SORT1: variants seen among roughly 807,000 people sequenced by gnomAD.
The protein encoded by SORT1 is sortilin.
Under a neutral mutation model 101.7 loss-of-function variants are expected in SORT1, and 39 were observed. The observed-to-expected ratio is 0.38, with a 90% CI of 0.30 to 0.50. SORT1 has a LOEUF of 0.50. Ranked by LOEUF, SORT1 falls within the 20% of genes least tolerant of loss-of-function variation. SORT1 has a pLI of 0.90. For missense variants in SORT1, 878 were observed against 1,040.4 expected, an observed-to-expected ratio of 0.84 and a Z score of 2.15; for synonymous variants, 396 against 393.7, an observed-to-expected ratio of 1.01 and a Z score of -0.07.
At chr1:109,386,785 C>G (rs1652595847) in intron 1 of SORT1, among the ~76,000 whole-genome samples, 1 of 151,868 alleles carries the variant, frequency 6.6e-6, no homozygotes, top group Non-Finnish European at 1.5e-5. Flanking sequence ...AAGCAAAGTT[C>G]CTAAGAAGTA....
At position 109,317,987 on chromosome 1, in the gene SORT1, T is replaced by C. The variant is rs191308023; in HGVS notation, c.2025-18A>G. The C allele has an allele frequency of 6.8e-5, 103 of 1,507,608 alleles. No homozygotes were observed. The Admixed American group carries it at 7.0e-4, about 10-fold the overall frequency. The allele number at this position is 1,507,608 out of a possible 1,614,324, so 93.4% of individuals were successfully genotyped here. On this transcript the variant is annotated intron_variant, in intron 15 of 19. Coordinates refer to ENST00000256637, the MANE Select transcript of SORT1 (RefSeq NM_002959.7). ...CAAAATCACTGCAAGAGTCAGCAAATAAAGTACCTTTCAAAGCAGCTGGAA... is the reference window on the plus strand; with the variant it reads ...CAAAATCACTGCAAGAGTCAGCAAACAAAGTACCTTTCAAAGCAGCTGGAA...
Position 109,353,342 on chromosome 1 carries a change from A to C in SORT1, c.708+1025T>G, listed in dbSNP as rs1474324507. The stretch of plus-strand genomic sequence containing the variant: ...AAACTCTGTCTCAAAAAAAAAAAAA[A>C]AAAAAAAAACAAAAGCAAAAAAAAC... On this transcript the variant is annotated intron_variant, in intron 5 of 19. Transcript: ENST00000256637. Among the ~76,000 whole-genome samples the C allele has an allele frequency of 7.3e-4, 111 of 151,048 alleles. 1 individual carries two copies. Among genetic ancestry groups the C allele is most frequent in the Admixed American group, 2.0e-3 (30 of 15,168 alleles).
intron 18 of SORT1, 55 bp downstream of exon 18, chr1:109,314,617 A>C: frequency 7.8e-7 from 1 of 1,283,738 alleles, no homozygotes; most frequent in Non-Finnish European, 1.1e-6. Flanking sequence ...CATATGCCCT[A>C]GATCAGCCTT....
Position 109,340,812 on chromosome 1 carries a change from T to A in SORT1, c.1176A>T (p.Arg392=). The A allele has an allele frequency of 6.2e-7, 1 of 1,613,978 alleles. No individual in the cohort carries two copies. The highest frequency in any genetic ancestry group is 8.5e-7 in the Non-Finnish European group (1 of 1,179,910). Reference sequence around the variant, plus strand: ...CTCCGCCTGTGGTAGTGTAGAGATGTCGGTCCAAAGACTTGGAATAGACAA... The same window carrying A: ...CTCCGCCTGTGGTAGTGTAGAGATGACGGTCCAAAGACTTGGAATAGACAA... ...RGIVYSKSLD[R]HLYTTTGGET... is the part of the protein sequence containing the mutation. The change falls in exon 10 of 20, where the codon CGA becomes CGT. Residue 392 remains arginine, a synonymous_variant. Transcript: ENST00000256637.
chr1:109,327,238 G>T, intron 12 of SORT1, 78 bp from the exon 13 acceptor site: 1 of 1,213,072 alleles, frequency 8.2e-7, no homozygotes, highest in Non-Finnish European at 1.2e-6. Context: ...GAATAATGTT[G>T]AATGAATTTA....
At chr1:109,359,105 A>G (rs1650539662) in intron 3 of SORT1, among the ~76,000 whole-genome samples, 1 of 152,174 alleles carries the variant, frequency 6.6e-6, no homozygotes, top group African/African-American at 2.4e-5. Flanking sequence ...TTCATTTCTC[A>G]CTGTTCTGGA....
chr1:109,367,347 G>A, intron 3 of SORT1, 61 bp downstream of exon 3: 1 of 959,072 alleles, frequency 1.0e-6, no homozygotes, highest in Admixed American at 2.1e-5. Context: ...TCTAGAAAAG[G>A]GAGAATCTAT....
intron 18 of SORT1, 91 bp downstream of exon 18, chr1:109,314,581 T>A: frequency 9.1e-7 from 1 of 1,102,462 alleles, no homozygotes; most frequent in Non-Finnish European, 1.3e-6. Flanking sequence ...TGCAAGTACC[T>A]AGTTTTTGCC....
intron 1 of SORT1, among the ~76,000 whole-genome samples, chr1:109,378,763 A>G (rs1480110437): frequency 8.7e-5 from 7 of 80,852 alleles, no homozygotes; most frequent in Non-Finnish European, 2.3e-5. Flanking sequence ...TATATATATA[A>G]AGATGTTATG....
intron 16 of SORT1, 54 bp downstream of exon 16, chr1:109,317,799 A>C (rs1194415558): frequency 8.5e-7 from 1 of 1,170,048 alleles, no homozygotes; most frequent in African/African-American, 1.5e-5. Context: ...AGCAGCTTTC[A>C]CTCTGAACAA....
chr1:109,397,576 C>T lies in SORT1; in HGVS notation c.306+11G>A, dbSNP rs778497129. 3.3e-6 allele frequency: 4 copies of T among 1,194,176 alleles called. No homozygotes were observed. Among genetic ancestry groups the T allele is most frequent in the South Asian group, 2.2e-5 (1 of 45,452 alleles). The allele number at this position is 1,194,176 out of a possible 1,614,324, so 74.0% of individuals were successfully genotyped here. On this transcript the variant is annotated intron_variant, in intron 1 of 19. Coordinates refer to ENST00000256637, the MANE Select transcript of SORT1 (RefSeq NM_002959.7). ...GCACCCGAGCGGCTCCCGGGCCCGG[C>T]GCCCGCTCACCTGGTGCGTGTTGTT... is the stretch of plus-strand genomic sequence containing the variant.
chr1:109,350,546 G>C (rs1649895846), intron 6 of SORT1, among the ~76,000 whole-genome samples: 1 of 152,198 alleles, frequency 6.6e-6, no homozygotes, highest in Non-Finnish European at 1.5e-5. Context: ...TGTTCTACAT[G>C]ACTGAAATGG....
At chr1:109,384,556 T>C (rs1191077700) in intron 1 of SORT1, among the ~76,000 whole-genome samples, 1 of 152,224 alleles carries the variant, frequency 6.6e-6, no homozygotes, top group African/African-American at 2.4e-5. Flanking sequence ...CATATCTCAA[T>C]AGCTCCTGTG....
intron 11 of SORT1, among the ~76,000 whole-genome samples, chr1:109,329,319 T>C (rs556574858): frequency 5.9e-5 from 9 of 152,138 alleles, no homozygotes; most frequent in Non-Finnish European, 7.4e-5. Context: ...GGTGGTGCCA[T>C]CTCAGCTCAC....
At chr1:109,367,385 C>A in intron 3 of SORT1, 23 bp downstream of exon 3, 1 of 1,392,516 alleles carries the variant, frequency 7.2e-7, no homozygotes, top group East Asian at 2.3e-5. Context: ...GTGAAATGCT[C>A]CAACGCGTGT....
chr1:109,388,107 C>T (rs1170548315), intron 1 of SORT1, among the ~76,000 whole-genome samples: 5 of 148,238 alleles, frequency 3.4e-5, no homozygotes, highest in South Asian at 2.1e-4. Flanking sequence ...CCCAGGCTGG[C>T]GTACAGTGGT....
chr1:109,327,461 C>T lies in SORT1; in HGVS notation c.1474+38G>A, dbSNP rs375135064. Reference sequence around the variant, plus strand: ...GGCTGAGTTTCAGTGTGCTCAGCCACTGTTCCAGTTGGAGGTGGTGAGTGG... The same window carrying T: ...GGCTGAGTTTCAGTGTGCTCAGCCATTGTTCCAGTTGGAGGTGGTGAGTGG... On this transcript the variant is annotated intron_variant, in intron 12 of 19. Transcript: ENST00000256637. 2.2e-5 allele frequency: 28 copies of T among 1,294,954 alleles called. No individual in the cohort carries two copies. In the African/African-American group the frequency reaches 4.1e-4, roughly 19 times the overall value. The allele number at this position is 1,294,954 out of a possible 1,614,324, so 80.2% of individuals were successfully genotyped here.
rs770369521 is a variant in SORT1, at chr1:109,397,779, G to A, written c.114C>T (p.Asp38=). The change falls in exon 1 of 20, where the codon GAC becomes GAT. Residue 38 remains aspartate, a synonymous_variant. Transcript: ENST00000256637. ...GCGGCGCAGCGGGCGGCGGCGGCGC[G>A]TCCAGCCGGTCCTGGCTGAGGGTCG... ...PPSTLSQDRL[D]APPPPAAPLP... is the part of the protein sequence containing the mutation. 23 of 1,224,902 alleles carry A rather than the reference G, an allele frequency of 1.9e-5. No homozygotes were observed. In the South Asian group the frequency reaches 4.5e-4, roughly 24 times the overall value. The allele number at this position is 1,224,902 out of a possible 1,614,324, so 75.9% of individuals were successfully genotyped here. A position where few individuals can be genotyped will look rare whatever the true frequency, so the allele number is the denominator to read the frequency against.
chr1:109,315,524 T>TA (rs1658978548), intron 17 of SORT1, among the ~76,000 whole-genome samples: 1 of 152,046 alleles, frequency 6.6e-6, no homozygotes, highest in Non-Finnish European at 1.5e-5. Context: ...ATCATCTCCT[T>TA]AATCCCACCC....
Sources: gnomAD v4.1 joint callset for allele counts (sites outside exome capture counted in the v4.1 genomes callset) on GRCh38, gnomAD v4.1.1 for gene constraint, MANE v1.5 for transcripts, NCBI Gene and HGNC (gene_info 2026-07-23, HGNC 2026-07-21) for gene names.